The following CES5A variants were observed in gnomAD, a reference collection of about 807,000 sequenced individuals.
The protein encoded by CES5A is carboxylesterase 5.
In CES5A, 67 loss-of-function variants were observed where a neutral mutation model predicts 62.9. The ratio of observed to expected loss-of-function variants is 1.07; its 90% CI spans 0.88 to 1.31. The LOEUF (loss-of-function observed/expected upper bound fraction) is 1.31, where lower values mean the gene tolerates loss of function less well. Ranked by LOEUF, CES5A falls within the 50% of genes most tolerant of loss-of-function variation. The pLI, the probability that CES5A is intolerant of heterozygous loss-of-function variation, is 0.00. For synonymous variants in CES5A, 296 were observed against 280.8 expected (o/e 1.05, Z -0.54); for missense variants, 748 against 708.5 (o/e 1.06, Z -0.63).
chr16:55,865,274 T>C (rs1231963732), intron 5 of CES5A, among the ~76,000 whole-genome samples: 2 of 152,166 alleles, frequency 1.3e-5, no homozygotes, highest in African/African-American at 4.8e-5. Context: ...ACTATACAAA[T>C]ATATAGATAT....
intron 10 of CES5A, among the ~76,000 whole-genome samples, chr16:55,852,558 A>G (rs1425772121): frequency 1.3e-5 from 2 of 152,212 alleles, no homozygotes; most frequent in Non-Finnish European, 2.9e-5. Context: ...ATTACTACGT[A>G]TGGCTAAGAT....
At chr16:55,859,340 A>C (rs1208959297) in intron 8 of CES5A, among the ~76,000 whole-genome samples, 5 of 152,224 alleles carry the variant, frequency 3.3e-5, no homozygotes, top group African/African-American at 1.2e-4. Context: ...AAACCTCATT[A>C]CATGAGAAGC....
At chr16:55,876,324 T>C (rs1388087094), upstream of CES5A, among the ~76,000 whole-genome samples, 1 of 152,230 alleles carries the variant, frequency 6.6e-6, no homozygotes, top group African/African-American at 2.4e-5. Flanking sequence ...CCTAGTGCAA[T>C]AAGAAAGAGC....
At chr16:55,888,029 G>A (rs1190639799) in intron 1 of CES5A, among the ~76,000 whole-genome samples, 3 of 152,132 alleles carry the variant, frequency 2.0e-5, no homozygotes, top group Admixed American at 1.3e-4. Context: ...TAGGAATATT[G>A]TGAGTTATTT....
chr16:55,850,805 T>C (rs2033116446), intron 10 of CES5A, among the ~76,000 whole-genome samples: 1 of 152,160 alleles, frequency 6.6e-6, no homozygotes, highest in Non-Finnish European at 1.5e-5. Flanking sequence ...CGGCCACAAC[T>C]TTTTTCCACA....
intron 2 of CES5A, among the ~76,000 whole-genome samples, chr16:55,940,485 A>G (rs1369561767): frequency 6.6e-6 from 1 of 152,078 alleles, no homozygotes; most frequent in East Asian, 1.9e-4. Flanking sequence ...CCAAGATGAA[A>G]TGAATAACCT....
chr16:55,941,857 T>A (rs915445778), intron 2 of CES5A, among the ~76,000 whole-genome samples: 1 of 152,054 alleles, frequency 6.6e-6, no homozygotes, highest in East Asian at 1.9e-4. Context: ...TATACCTGAG[T>A]TAAAAGTCAT....
chr16:55,925,896 G>A (rs1734840893), upstream of CES5A, among the ~76,000 whole-genome samples: 2 of 151,922 alleles, frequency 1.3e-5, no homozygotes, highest in East Asian at 3.9e-4. Context: ...ACCTGACAAG[G>A]GACTAATATC....
At chr16:55,888,609 C>T (rs1004011343) in intron 1 of CES5A, among the ~76,000 whole-genome samples, 3 of 152,314 alleles carry the variant, frequency 2.0e-5, no homozygotes, top group South Asian at 2.1e-4. Flanking sequence ...ACTACCTGAA[C>T]CTTAGTCTTT....
upstream of CES5A, among the ~76,000 whole-genome samples, chr16:55,878,898 TCACTGCACCCTAC>T (rs1488821748): frequency 8.1e-6 from 1 of 123,608 alleles, no homozygotes; most frequent in African/African-American, 3.2e-5. Context: ...TTAACCACCA[TCACTGCACCCTAC>T]CACTGCACCC....
intron 8 of CES5A, among the ~76,000 whole-genome samples, chr16:55,858,300 T>G (rs764297298): frequency 6.6e-6 from 1 of 152,200 alleles, no homozygotes; most frequent in Non-Finnish European, 1.5e-5. Context: ...AGAAAGCCAC[T>G]TTAGCTGCTC....
intron 1 of CES5A, among the ~76,000 whole-genome samples, chr16:55,896,545 T>C (rs1327281722): frequency 6.6e-6 from 1 of 152,220 alleles, no homozygotes; most frequent in African/African-American, 2.4e-5. Flanking sequence ...TGTGCAGTAT[T>C]AAGTATTCTG....
intron 1 of CES5A, among the ~76,000 whole-genome samples, chr16:55,925,152 TCAAA>T (rs1166178533): frequency 6.6e-6 from 1 of 151,916 alleles, no homozygotes. Context: ...TATAAGGAAC[TCAAA>T]CAACTCAATA....
intron 1 of CES5A, among the ~76,000 whole-genome samples, chr16:55,911,119 C>A (rs1176162959): frequency 6.6e-6 from 1 of 152,194 alleles, no homozygotes; most frequent in African/African-American, 2.4e-5. Flanking sequence ...AGTGCATGAA[C>A]TGTACTAAGA....
chr16:55,917,750 C>A (rs2034162036), intron 1 of CES5A, among the ~76,000 whole-genome samples: 1 of 152,158 alleles, frequency 6.6e-6, no homozygotes, highest in African/African-American at 2.4e-5. Flanking sequence ...ATCCAGCCCA[C>A]ACTCAAGGAT....
intron 2 of CES5A, among the ~76,000 whole-genome samples, chr16:55,936,952 C>A (rs962806075): frequency 1.8e-4 from 27 of 152,070 alleles, no homozygotes; most frequent in Admixed American, 1.8e-3. Flanking sequence ...ATTATACTCC[C>A]TTGACAGATG....
At chr16:55,886,214 G>T (rs1452450812) in intron 1 of CES5A, among the ~76,000 whole-genome samples, 1 of 152,146 alleles carries the variant, frequency 6.6e-6, no homozygotes, top group Non-Finnish European at 1.5e-5. Context: ...CAATATACTT[G>T]GTTGCCACTT....
chr16:55,864,525 C>T (rs1309103375), intron 5 of CES5A, among the ~76,000 whole-genome samples: 1 of 152,058 alleles, frequency 6.6e-6, no homozygotes, highest in African/African-American at 2.4e-5. Flanking sequence ...ATCATGAGAA[C>T]AAATGAACTG....
chr16:55,920,563 C>T (rs1055408400), intron 1 of CES5A, among the ~76,000 whole-genome samples: 2 of 152,110 alleles, frequency 1.3e-5, no homozygotes, highest in East Asian at 1.9e-4. Context: ...AGAAGGACGG[C>T]GAACCTGGGC....
Sources: gnomAD v4.1 joint callset for allele counts (sites outside exome capture counted in the v4.1 genomes callset) on GRCh38, gnomAD v4.1.1 for gene constraint, MANE v1.5 for transcripts, NCBI Gene and HGNC (gene_info 2026-07-23, HGNC 2026-07-21) for gene names.